LRP1B: variants seen among roughly 807,000 people sequenced by gnomAD.
LRP1B encodes LDL receptor related protein 1B, also known as low-density lipoprotein receptor-related protein 1B.
LRP1B carries 217 observed loss-of-function variants against 556.6 expected under a neutral mutation model. The ratio of observed to expected loss-of-function variants is 0.39; its 90% CI spans 0.35 to 0.44. The LOEUF (loss-of-function observed/expected upper bound fraction) is 0.44, where lower values mean the gene tolerates loss of function less well. LRP1B is among the 20% of genes least tolerant of loss of function. The pLI, the probability that LRP1B is intolerant of heterozygous loss-of-function variation, is 1.00. For missense variants in LRP1B, 5,053 were observed against 5,620.8 expected (o/e 0.90, Z 3.23); for synonymous variants, 2,047 against 1,865.8 (o/e 1.10, Z -2.50).
chr2:140,748,841 C>T (rs1298649817), intron 35 of LRP1B, among the ~76,000 whole-genome samples: 1 of 129,800 alleles, frequency 7.7e-6, no homozygotes, highest in Admixed American at 8.4e-5. Context: ...ATATTATATA[C>T]ATGTATATAA....
chr2:141,215,138 C>T lies in LRP1B; in HGVS notation c.850+14045G>A, dbSNP rs1189501541. 2.0e-5 allele frequency among the ~76,000 whole-genome samples: 3 copies of T among 152,004 alleles called. No individual in the cohort carries two copies. The East Asian group carries it at 5.8e-4, about 30-fold the overall frequency. The stretch of plus-strand genomic sequence containing the variant: ...TGTCCTCACAATAGTGAGTGAGTTC[C>T]CTTGAGATCTGGTTATTTGAAAGTG... On this transcript the variant is annotated intron_variant, in intron 6 of 90. Transcript: ENST00000389484.
intron 1 of LRP1B, among the ~76,000 whole-genome samples, chr2:141,897,868 A>C (rs1476599213): frequency 2.0e-5 from 3 of 152,180 alleles, no homozygotes; most frequent in Non-Finnish European, 2.9e-5. Context: ...CTACATGTGC[A>C]AAAAGGATTG....
intron 2 of LRP1B, among the ~76,000 whole-genome samples, chr2:141,739,260 G>A (rs1693607253): frequency 6.6e-6 from 1 of 151,962 alleles, no homozygotes; most frequent in Non-Finnish European, 1.5e-5. Context: ...TCTCCTGGGA[G>A]GTTGGCAGTA....
At chr2:141,781,900 TTTC>T (rs369236493) in intron 2 of LRP1B, among the ~76,000 whole-genome samples, 17 of 152,268 alleles carry the variant, frequency 1.1e-4, no homozygotes, top group African/African-American at 4.1e-4. Context: ...CTTCATCTGA[TTTC>T]TTAAAGCGTT....
intron 3 of LRP1B, among the ~76,000 whole-genome samples, chr2:141,263,850 C>A (rs1684789965): frequency 1.3e-5 from 2 of 152,054 alleles, no homozygotes; most frequent in African/African-American, 2.4e-5. Flanking sequence ...ATCCAGATCA[C>A]CCTATCAATC....
intron 11 of LRP1B, among the ~76,000 whole-genome samples, chr2:141,031,835 T>A (rs1482382669): frequency 6.6e-6 from 1 of 151,204 alleles, no homozygotes; most frequent in South Asian, 2.1e-4. Context: ...GAACATAAGA[T>A]GAAAATGTAG....
intron 16 of LRP1B, among the ~76,000 whole-genome samples, chr2:140,993,323 T>C (rs755808555): frequency 6.6e-6 from 1 of 152,080 alleles, no homozygotes; most frequent in Admixed American, 6.6e-5. Flanking sequence ...TCTAATCAAA[T>C]ATATTCTCAA....
At chr2:141,150,164 A>C (rs1196840983) in intron 7 of LRP1B, among the ~76,000 whole-genome samples, 1 of 152,166 alleles carries the variant, frequency 6.6e-6, no homozygotes, top group Non-Finnish European at 1.5e-5. Context: ...TGTTTTCCTA[A>C]GGGACACAGA....
intron 86 of LRP1B, among the ~76,000 whole-genome samples, chr2:140,258,077 A>G (rs557045888): frequency 6.6e-6 from 1 of 152,270 alleles, no homozygotes; most frequent in Admixed American, 6.5e-5. Flanking sequence ...ACAGAAACAG[A>G]ACTCATTATC....
chr2:140,545,766 T>C (rs1251527445), intron 43 of LRP1B, among the ~76,000 whole-genome samples: 3 of 152,142 alleles, frequency 2.0e-5, no homozygotes, highest in Non-Finnish European at 4.4e-5. Context: ...CATATGAATT[T>C]TAAAACCTTT....
chr2:141,541,492 T>G (rs1473857322), intron 2 of LRP1B, among the ~76,000 whole-genome samples: 1 of 152,024 alleles, frequency 6.6e-6, no homozygotes, highest in Non-Finnish European at 1.5e-5. Flanking sequence ...GTTCATGAAG[T>G]GTTTGTCGTT....
intron 1 of LRP1B, among the ~76,000 whole-genome samples, chr2:141,980,327 T>C (rs868633119): frequency 4.6e-5 from 7 of 152,094 alleles, no homozygotes; most frequent in African/African-American, 1.4e-4. Context: ...AGTTCCCCAA[T>C]GCTACAATAA....
At chr2:140,556,736 A>T (rs1040441820) in intron 43 of LRP1B, among the ~76,000 whole-genome samples, 5 of 40,110 alleles carry the variant, frequency 1.2e-4, no homozygotes, top group South Asian at 1.2e-3. Flanking sequence ...AAACAAATTT[A>T]AAAAAAAAAC....
At chr2:141,141,974 G>T (rs762686426) in intron 7 of LRP1B, among the ~76,000 whole-genome samples, 15 of 151,132 alleles carry the variant, frequency 9.9e-5, no homozygotes, top group Admixed American at 6.6e-4. Context: ...ATGTTATATT[G>T]TGGGCCACAA....
rs1055136478 is a variant in LRP1B, at chr2:140,231,658, T to C, written c.*1528A>G. ...TCAATAGTTTATAAAGGCCTCAATATGGCAAAGTTTAGAAATAGGTAGTAT... is the reference window on the plus strand; with the variant it reads ...TCAATAGTTTATAAAGGCCTCAATACGGCAAAGTTTAGAAATAGGTAGTAT... On this transcript the variant is annotated 3_prime_UTR_variant, in exon 91 of 91. Transcript: ENST00000389484. 2.0e-5 allele frequency: 3 copies of C among 151,750 alleles called. No individual in the cohort carries two copies. The highest frequency in any genetic ancestry group is 2.1e-4 in the South Asian group (1 of 4,820). The allele number at this position is 151,750 out of a possible 1,614,324, so 9.4% of individuals were successfully genotyped here.
intron 41 of LRP1B, among the ~76,000 whole-genome samples, chr2:140,601,968 C>G (rs945837856): frequency 6.6e-6 from 1 of 152,022 alleles, no homozygotes; most frequent in Non-Finnish European, 1.5e-5. Context: ...CAACGTGCAA[C>G]AACTTAGAGA....
chr2:140,614,816 G>A (rs973874102), intron 41 of LRP1B, among the ~76,000 whole-genome samples: 10 of 152,116 alleles, frequency 6.6e-5, no homozygotes, highest in African/African-American at 2.4e-4. Flanking sequence ...GAAAATCCAG[G>A]AAAGAGCTTA....
rs1247290776 is a variant in LRP1B at position 140,510,012 on chromosome 2, G to A, written c.8314C>T (p.Arg2772Cys). The change falls in exon 52 of 91, where the codon CGT becomes TGT. Residue 2772 changes from arginine to cysteine, a missense_variant. Physicochemically the swap from Arg to Cys is radical, Grantham distance 180. Coordinates refer to ENST00000389484, the MANE Select transcript of LRP1B (RefSeq NM_018557.3). ...AADMFSCQGS[R>C]ACVPRHWLCD... ...AGCCAATGTCGGGGCACGCAGGCAC[G>A]AGAGCCCTGGCAGCTGAACATGTCA... 4 of 1,613,932 alleles carry A rather than the reference G, an allele frequency of 2.5e-6. No homozygotes were observed. The highest frequency in any genetic ancestry group is 1.1e-5 in the South Asian group (1 of 91,064).
chr2:140,903,864 A>C (rs1421170710), intron 22 of LRP1B, among the ~76,000 whole-genome samples: 1 of 151,954 alleles, frequency 6.6e-6, no homozygotes, highest in Admixed American at 6.6e-5. Flanking sequence ...GAGCAATAGT[A>C]TTGATTACAT....
Sources: allele counts gnomAD v4.1 joint callset (sites outside exome capture counted in the v4.1 genomes callset), GRCh38; gene constraint gnomAD v4.1.1; transcripts MANE v1.5; gene names NCBI Gene and HGNC (gene_info 2026-07-23, HGNC 2026-07-21).